SEMA4A: variants seen among roughly 807,000 people sequenced by gnomAD.
SEMA4A encodes semaphorin-4A.
In SEMA4A, 52 loss-of-function variants were observed where a neutral mutation model predicts 72.5. The observed-to-expected ratio is 0.72, with a 90% CI of 0.57 to 0.90. The LOEUF (loss-of-function observed/expected upper bound fraction) is 0.90. Ranked by LOEUF, SEMA4A falls within the 40% of genes least tolerant of loss-of-function variation. The pLI is 0.00. For synonymous variants in SEMA4A, 369 were observed against 393.1 expected, an observed-to-expected ratio of 0.94 and a Z score of 0.73; for missense variants, 926 against 959.7, an observed-to-expected ratio of 0.96 and a Z score of 0.46.
At chr1:156,174,647 T>C (rs752024242) in intron 11 of SEMA4A, among the ~76,000 whole-genome samples, 175 bp from the exon 12 acceptor site, 4 of 152,134 alleles carry the variant, frequency 2.6e-5, no homozygotes, top group Non-Finnish European at 5.9e-5. Flanking sequence ...ATTTTAGTCA[T>C]TTACAAGAGA....
At position 156,175,132 on chromosome 1, in the gene SEMA4A, G is replaced by A. The variant is rs559896573; in HGVS notation, c.1481G>A (p.Arg494Gln). 180 of 1,614,140 alleles carry A rather than the reference G, an allele frequency of 1.1e-4. No individual in the cohort carries two copies. In the South Asian group the frequency reaches 1.7e-3, roughly 15 times the overall value. The change falls in exon 13 of 15, where the codon CGA becomes CAA. Residue 494 changes from arginine to glutamine, a missense_variant. By Grantham distance (43) the Arg-to-Gln change is conservative. Coordinates refer to ENST00000368285, the MANE Select transcript of SEMA4A (RefSeq NM_022367.4). ...TCAGGAGGTGTCTGGAGGGTGCCCC[G>A]AGCCAACTGTAGTGTCTATGAGAGC... ...GFSGGVWRVP[R>Q]ANCSVYESCV...
rs780113199 is a variant in SEMA4A at position 156,158,145 on chromosome 1, G to A, written c.363+13G>A. 2 of 1,613,682 alleles carry A rather than the reference G, an allele frequency of 1.2e-6. No homozygotes were observed. The highest frequency in any genetic ancestry group is 2.2e-5 in the South Asian group (2 of 91,056). On this transcript the variant is annotated intron_variant, in intron 4 of 14. Coordinates refer to ENST00000368285, the MANE Select transcript of SEMA4A (RefSeq NM_022367.4). Reference sequence around the variant, plus strand: ...GAAGAGCAATGAGGTAAGTGGAGGTGGGGGAGTAGGGGTAGAGTGGGTAGA... The same window carrying A: ...GAAGAGCAATGAGGTAAGTGGAGGTAGGGGAGTAGGGGTAGAGTGGGTAGA...
chr1:156,148,478 A>C (rs571312810), upstream of SEMA4A, among the ~76,000 whole-genome samples: 1 of 152,320 alleles, frequency 6.6e-6, no homozygotes, highest in East Asian at 1.9e-4. Flanking sequence ...GCAAATGCTC[A>C]ACCACCACCC....
At chr1:156,161,087 A>C in intron 8 of SEMA4A, 58 bp downstream of exon 8, 1 of 1,529,378 alleles carries the variant, frequency 6.5e-7, no homozygotes, top group Non-Finnish European at 8.8e-7. Context: ...GGGAGATGGC[A>C]GGGGCAGGAC....
chr1:156,166,761 T>A (rs891667203), intron 10 of SEMA4A, among the ~76,000 whole-genome samples: 1 of 151,936 alleles, frequency 6.6e-6, no homozygotes, highest in African/African-American at 2.4e-5. Flanking sequence ...AAACCCCGTC[T>A]CTACTAAAAA....
intron 5 of SEMA4A, 92 bp from the exon 6 acceptor site, chr1:156,158,627 C>T: frequency 7.5e-7 from 1 of 1,328,732 alleles, no homozygotes; most frequent in African/African-American, 1.4e-5. Flanking sequence ...ACCAATTTCC[C>T]TCTATGTCCC....
At chr1:156,158,848 A>G in intron 6 of SEMA4A, 24 bp downstream of exon 6, 1 of 1,541,992 alleles carries the variant, frequency 6.5e-7, no homozygotes, top group Non-Finnish European at 9.0e-7. Flanking sequence ...TTCCCACTTC[A>G]TCCCAACATC....
At chr1:156,155,382 A>T (rs1182870656) in intron 2 of SEMA4A, 3 of 153,012 alleles carry the variant, frequency 2.0e-5, no homozygotes, top group Non-Finnish European at 4.4e-5. Flanking sequence ...AAAGAAATGT[A>T]TATTGCTCAT....
At position 156,160,972 on chromosome 1, in the gene SEMA4A, C is replaced by T. The variant is rs1317265207; in HGVS notation, c.753C>T (p.Ala251=). The stretch of plus-strand genomic sequence containing the variant: ...TCTACTTCTTCTTCGAGGAGACAGC[C>T]AGCGAGTTTGACTTCTTTGAGAGGC... The part of the protein sequence containing the change: ...QVVYFFFEET[A]SEFDFFERLH... The change falls in exon 8 of 15, where the codon GCC becomes GCT. Residue 251 remains alanine, a synonymous_variant. Coordinates refer to ENST00000368285, the MANE Select transcript of SEMA4A (RefSeq NM_022367.4). 6.2e-7 allele frequency: 1 copy of T among 1,612,826 alleles called. No homozygotes were observed. Among genetic ancestry groups the T allele is most frequent in the Non-Finnish European group, 8.5e-7 (1 of 1,179,724 alleles).
Position 156,176,537 on chromosome 1 carries a change from C to T in SEMA4A, c.1826C>T (p.Ser609Phe). The part of the protein sequence containing the change: ...PEASSTVYNG[S>F]LLLIVQDGVG... ...GCCTCTTCCACTGTCTACAATGGCT[C>T]CCTCTTGCTGATAGTGCAGGATGGA... Residue 609 changes from serine (S) to phenylalanine (F), a missense_variant, in exon 15 of 15, where the codon TCC (serine) becomes TTC (phenylalanine). By Grantham distance (155) the Ser-to-Phe change is radical. Coordinates refer to ENST00000368285, the MANE Select transcript of SEMA4A (RefSeq NM_022367.4). The T allele has an allele frequency of 6.2e-7, 1 of 1,614,150 alleles. No individual in the cohort carries two copies. Among genetic ancestry groups the T allele is most frequent in the South Asian group, 1.1e-5 (1 of 91,084 alleles).
upstream of SEMA4A, chr1:156,149,896 A>C (rs1652394248): frequency 6.6e-6 from 1 of 152,160 alleles, no homozygotes; most frequent in Admixed American, 6.5e-5. Context: ...GCAGTGGGAC[A>C]TGGGTAGGAG....
intron 4 of SEMA4A, 90 bp downstream of exon 4, chr1:156,158,222 T>A: frequency 7.0e-7 from 1 of 1,432,452 alleles, no homozygotes; most frequent in East Asian, 2.3e-5. Context: ...TGGGCGGCAG[T>A]GGAGGGCACT....
chr1:156,153,267 G>C (rs1652693776), upstream of SEMA4A: 1 of 152,224 alleles, frequency 6.6e-6, no homozygotes, highest in African/African-American at 2.4e-5. Flanking sequence ...GGAGTAGAGA[G>C]ACCCCACCTT....
At chr1:156,161,982 G>A (rs1302308978) in intron 9 of SEMA4A, among the ~76,000 whole-genome samples, 1 of 152,180 alleles carries the variant, frequency 6.6e-6, no homozygotes, top group Non-Finnish European at 1.5e-5. Context: ...AATAAAGTCG[G>A]CCGGGTGCGG....
At chr1:156,160,419 C>T in intron 6 of SEMA4A, 24 bp from the exon 7 acceptor site, 1 of 1,577,790 alleles carries the variant, frequency 6.3e-7, no homozygotes, top group African/African-American at 1.3e-5. Context: ...CATCAGTTCT[C>T]TCTTCTCCTC....
At chr1:156,174,146 CG>C (rs1302537668) in intron 11 of SEMA4A, among the ~76,000 whole-genome samples, 3 of 151,952 alleles carry the variant, frequency 2.0e-5, no homozygotes, top group Admixed American at 6.6e-5. Flanking sequence ...AAGAGGGAGA[CG>C]GAGTCAGCAG....
chr1:156,161,108 G>A (rs1009628155), intron 8 of SEMA4A, 79 bp downstream of exon 8: 118 of 1,482,148 alleles, frequency 8.0e-5, no homozygotes, highest in Non-Finnish European at 9.6e-5. Flanking sequence ...TGAGTGGTGG[G>A]CCCCCAGTGA....
intron 10 of SEMA4A, among the ~76,000 whole-genome samples, chr1:156,170,385 T>C (rs1654589386): frequency 1.5e-5 from 2 of 132,276 alleles, no homozygotes; most frequent in South Asian, 4.9e-4. Context: ...AATCGCTTGA[T>C]TCTCCAGGCG....
chr1:156,176,647 A>AC lies in SEMA4A; in HGVS notation c.1939dup (p.Leu647ProfsTer6), dbSNP rs1655364597. On this transcript the variant is annotated frameshift_variant, in exon 15 of 15. Coordinates refer to ENST00000368285, the MANE Select transcript of SEMA4A (RefSeq NM_022367.4). LOFTEE classifies it high-confidence loss of function. ...CTACTGGGTGGACAGCCAGGACCAG[A>AC]CCCTGGCCCTGGATCCTGAACTGGC... 6.8e-6 allele frequency: 11 copies of AC among 1,613,956 alleles called. No individual in the cohort carries two copies. The highest frequency in any genetic ancestry group is 9.3e-6 in the Non-Finnish European group (11 of 1,179,992).
Sources: allele counts gnomAD v4.1 joint callset (sites outside exome capture counted in the v4.1 genomes callset), GRCh38; gene constraint gnomAD v4.1.1; transcripts MANE v1.5; gene names NCBI Gene and HGNC (gene_info 2026-07-23, HGNC 2026-07-21).